Variants in DIAPH2 observed in about 807,000 individuals in gnomAD.
The protein encoded by DIAPH2 is diaphanous related formin 2, also known as protein diaphanous homolog 2.
Under a neutral mutation model 92.7 loss-of-function variants are expected in DIAPH2, and 35 were observed. That is an observed-to-expected ratio of 0.38 (90% CI 0.29 to 0.50). The LOEUF (loss-of-function observed/expected upper bound fraction) is 0.50. DIAPH2 is among the 20% of genes least tolerant of loss of function. DIAPH2 has a pLI of 0.94. For synonymous variants in DIAPH2, 301 were observed against 280.4 expected, an observed-to-expected ratio of 1.07 and a Z score of -0.73; for missense variants, 701 against 819.5, an observed-to-expected ratio of 0.86 and a Z score of 1.77.
intron 21 of DIAPH2, among the ~76,000 whole-genome samples, chrX:97,137,586 G>C (rs769586986): frequency 9.1e-6 from 1 of 110,116 alleles, no homozygotes; most frequent in African/African-American, 3.3e-5. Context: ...CATGGGAGTT[G>C]AGTAGTCTGA....
chrX:97,036,409 A>C (rs191316964), intron 17 of DIAPH2, among the ~76,000 whole-genome samples: 6 of 112,461 alleles, frequency 5.3e-5, no homozygotes, highest in African/African-American at 1.9e-4. Flanking sequence ...TAGAACAATA[A>C]CAGCTTAAGT....
chrX:97,074,174 A>G (rs765156598), intron 18 of DIAPH2, among the ~76,000 whole-genome samples: 16 of 112,006 alleles, frequency 1.4e-4, no homozygotes, highest in African/African-American at 4.5e-4. Context: ...TGGGAGGCCG[A>G]GGCAGGTGGA....
chrX:97,401,556 G>A (rs781637064), intron 25 of DIAPH2, among the ~76,000 whole-genome samples: 1 of 111,574 alleles, frequency 9.0e-6, no homozygotes, highest in South Asian at 3.8e-4. Flanking sequence ...GGTGCCTCAG[G>A]AACCCTGCTA....
At chrX:97,404,816 G>A (rs1164786842) in intron 25 of DIAPH2, among the ~76,000 whole-genome samples, 1 of 112,296 alleles carries the variant, frequency 8.9e-6, no homozygotes, top group Non-Finnish European at 1.9e-5. Context: ...GTAATTAGGT[G>A]TTTGAGCTGA....
chrX:96,702,076 A>G (rs1466780404), intron 1 of DIAPH2, among the ~76,000 whole-genome samples: 1 of 112,330 alleles, frequency 8.9e-6, no homozygotes, highest in African/African-American at 3.2e-5. Context: ...TATTTTTTAC[A>G]TAAATATGTT....
chrX:96,994,988 T>C (rs1301093521), intron 17 of DIAPH2, among the ~76,000 whole-genome samples: 3 of 109,945 alleles, frequency 2.7e-5, no homozygotes, highest in Non-Finnish European at 5.7e-5. Context: ...AAGAGAAAAA[T>C]AAAGAGGGCC....
At chrX:96,924,169 G>A (rs910419649) in intron 9 of DIAPH2, among the ~76,000 whole-genome samples, 1 of 111,695 alleles carries the variant, frequency 9.0e-6, no homozygotes, top group African/African-American at 3.3e-5. Context: ...AAGGCATCGA[G>A]GCTTATGAAT....
chrX:97,539,699 T>G (rs967226056), intron 26 of DIAPH2, among the ~76,000 whole-genome samples: 1 of 111,907 alleles, frequency 8.9e-6, no homozygotes. Context: ...GAAATCATAG[T>G]CTTTTGATAG....
rs187267569 is a variant in DIAPH2 at position 97,124,005 on chromosome X, T to C, written c.2589+9040T>C. ...TATGAGGTGCCATCTTCTAAAATGA[T>C]AGCCTCAATTTTTCCAAATGGTCAT... On this transcript the variant is annotated intron_variant, in intron 21 of 26. Coordinates refer to ENST00000324765, the MANE Select transcript of DIAPH2 (RefSeq NM_006729.5). 4.5e-5 allele frequency among the ~76,000 whole-genome samples: 5 copies of C among 112,247 alleles called. No individual in the cohort carries two copies. The East Asian group carries it at 1.4e-3, about 31-fold the overall frequency.
At chrX:97,029,662 AT>A (rs1478917220) in intron 17 of DIAPH2, among the ~76,000 whole-genome samples, 1 of 109,667 alleles carries the variant, frequency 9.1e-6, no homozygotes, top group Admixed American at 9.7e-5. Flanking sequence ...ACCTAACTTC[AT>A]TTTTTTTCCA....
intron 21 of DIAPH2, among the ~76,000 whole-genome samples, chrX:97,134,621 A>G (rs931800981): frequency 1.8e-5 from 2 of 111,141 alleles, no homozygotes; most frequent in African/African-American, 6.5e-5. Flanking sequence ...CATTTCTAAC[A>G]AGTTCCCAGG....
At chrX:97,211,911 C>A (rs903430342) in intron 22 of DIAPH2, among the ~76,000 whole-genome samples, 1 of 111,399 alleles carries the variant, frequency 9.0e-6, no homozygotes, top group Admixed American at 9.6e-5. Flanking sequence ...CCCTTGTGTA[C>A]AGGGTTAATG....
chrX:97,043,033 A>C (rs1569286826), intron 17 of DIAPH2, among the ~76,000 whole-genome samples: 1 of 111,824 alleles, frequency 8.9e-6, no homozygotes, highest in East Asian at 2.8e-4. Context: ...CCAGTGAAAA[A>C]TACAAAACCA....
intron 22 of DIAPH2, among the ~76,000 whole-genome samples, chrX:97,222,251 C>T (rs1483952350): frequency 9.0e-6 from 1 of 111,239 alleles, no homozygotes; most frequent in Non-Finnish European, 1.9e-5. Context: ...GTTGCCCAGG[C>T]TGGAGTGCAG....
intron 23 of DIAPH2, among the ~76,000 whole-genome samples, 157 bp downstream of exon 23, chrX:97,247,996 T>C (rs2068156575): frequency 1.8e-5 from 2 of 112,073 alleles, no homozygotes; most frequent in Non-Finnish European, 3.8e-5. Flanking sequence ...AAATTTTGTT[T>C]CATGATGTTT....
At chrX:96,722,208 T>G (rs768027764) in intron 1 of DIAPH2, among the ~76,000 whole-genome samples, 1 of 110,241 alleles carries the variant, frequency 9.1e-6, no homozygotes, top group South Asian at 4.0e-4. Flanking sequence ...GTACAAAAAA[T>G]TAGCCGGGCG....
chrX:97,466,123 T>C (rs1033637378), intron 26 of DIAPH2, among the ~76,000 whole-genome samples: 2 of 112,183 alleles, frequency 1.8e-5, no homozygotes, highest in Non-Finnish European at 3.8e-5. Context: ...ACTTATTGAT[T>C]TGGCTCTGAA....
chrX:96,794,050 G>A (rs73250738), intron 4 of DIAPH2, among the ~76,000 whole-genome samples: 6,396 of 111,555 alleles, frequency 0.057, 201 homozygotes, highest in Middle Eastern at 0.15. Context: ...TGGAGGCCAG[G>A]AAGTCCAAGA....
chrX:96,999,995 A>T (rs2066132315), intron 17 of DIAPH2, among the ~76,000 whole-genome samples: 1 of 111,865 alleles, frequency 8.9e-6, no homozygotes, highest in Non-Finnish European at 1.9e-5. Context: ...AGGCCTCCCC[A>T]GCCATGTGGA....
Sources: allele counts gnomAD v4.1 joint callset (sites outside exome capture counted in the v4.1 genomes callset), GRCh38; gene constraint gnomAD v4.1.1; transcripts MANE v1.5; gene names NCBI Gene and HGNC (gene_info 2026-07-23, HGNC 2026-07-21).